ZNF143: variants seen among roughly 807,000 people sequenced by gnomAD.
ZNF143 encodes zinc finger protein 143.
ZNF143 carries 49 observed loss-of-function variants against 74.1 expected under a neutral mutation model. That is an observed-to-expected ratio of 0.66 (90% CI 0.53 to 0.84). The LOEUF is 0.84. Among genes scored for constraint, ZNF143 ranks in the 40% least tolerant of loss-of-function variants. ZNF143 has a pLI of 0.00. For synonymous variants in ZNF143, 304 were observed against 282.8 expected, an observed-to-expected ratio of 1.07 and a Z score of -0.75; for missense variants, 637 against 793.4, an observed-to-expected ratio of 0.80 and a Z score of 2.37.
chr11:9,463,112 ATACTT>A (rs540243929), intron 1 of ZNF143, among the ~76,000 whole-genome samples: 185 of 152,318 alleles, frequency 1.2e-3, no homozygotes, highest in Non-Finnish European at 2.1e-3. Context: ...ACATGTGTCA[ATACTT>A]TATTTTTATT....
At chr11:9,494,253 T>TTGTCTTTTTAA (rs1353560374) in intron 7 of ZNF143, among the ~76,000 whole-genome samples, 1 of 152,162 alleles carries the variant, frequency 6.6e-6, no homozygotes, top group Non-Finnish European at 1.5e-5. Flanking sequence ...CATAACAGTT[T>TTGTCTTTTTAA]TGTCTTTTTA....
At chr11:9,461,153 C>G in intron 1 of ZNF143, 77 bp downstream of exon 1, 1 of 899,424 alleles carries the variant, frequency 1.1e-6, no homozygotes, top group Non-Finnish European at 1.3e-6. Flanking sequence ...GCGGCGCGGG[C>G]CCGCTTGGGC....
At chr11:9,482,053 C>CTCTG (rs1421131680) in intron 7 of ZNF143, among the ~76,000 whole-genome samples, 4 of 144,746 alleles carry the variant, frequency 2.8e-5, no homozygotes, top group Admixed American at 7.0e-5. Flanking sequence ...TCACTGCAAG[C>CTCTG]TCTGCCTCCC....
At chr11:9,463,284 G>C (rs931339289) in intron 1 of ZNF143, among the ~76,000 whole-genome samples, 1 of 152,134 alleles carries the variant, frequency 6.6e-6, no homozygotes. Flanking sequence ...CATTTCTCTT[G>C]GGAGTAGAAT....
At position 9,465,217 on chromosome 11, in the gene ZNF143, T is replaced by TAA. The variant is rs768637074; in HGVS notation, c.-8+4142_-8+4143insAA. Among the ~76,000 whole-genome samples the TAA allele has an allele frequency of 1.3e-3, 194 of 152,244 alleles. 1 individual carries two copies. Among genetic ancestry groups the TAA allele is most frequent in the Middle Eastern group, 0.01 (3 of 294 alleles). Reference sequence around the variant, plus strand: ...TTTTATTTGTTTTGAGACGGAGTCTTACTCTGTCACCCAGGCTGGAGTGCA... The same window carrying TAA: ...TTTTATTTGTTTTGAGACGGAGTCTTAAACTCTGTCACCCAGGCTGGAGTGCA... On this transcript the variant is annotated intron_variant, in intron 1 of 15. Transcript: ENST00000396602.
At chr11:9,502,707 T>C (rs1407437351) in intron 11 of ZNF143, among the ~76,000 whole-genome samples, 2 of 152,012 alleles carry the variant, frequency 1.3e-5, no homozygotes, top group African/African-American at 2.4e-5. Flanking sequence ...TCATTTCCCC[T>C]AAAAGAAATT....
chr11:9,473,848 G>A (rs770154067), intron 3 of ZNF143, 93 bp from the exon 4 acceptor site: 4 of 1,609,242 alleles, frequency 2.5e-6, no homozygotes, highest in Admixed American at 3.3e-5. Context: ...AGCTTAAGTT[G>A]TGTATGTTTT....
chr11:9,510,285 T>C (rs1848496718), intron 12 of ZNF143, among the ~76,000 whole-genome samples: 1 of 151,790 alleles, frequency 6.6e-6, no homozygotes, highest in Admixed American at 6.6e-5. Context: ...CCACCATGCC[T>C]GGCTAATTTT....
At chr11:9,493,911 T>G (rs1416073437) in intron 7 of ZNF143, among the ~76,000 whole-genome samples, 2 of 152,228 alleles carry the variant, frequency 1.3e-5, no homozygotes, top group Admixed American at 6.5e-5. Context: ...TTGTAATGTT[T>G]CCTTTAGGTG....
rs570801522 is a variant in ZNF143 at position 9,484,196 on chromosome 11, G to A, written c.645+4650G>A. Reference sequence around the variant, plus strand: ...TTGAGAACCTAGTACTTGGTTTTTTGTGGTTTTTGTTTTTTGAGACAGGGT... The same window carrying A: ...TTGAGAACCTAGTACTTGGTTTTTTATGGTTTTTGTTTTTTGAGACAGGGT... On this transcript the variant is annotated intron_variant, in intron 7 of 15. Coordinates refer to ENST00000396602, the MANE Select transcript of ZNF143 (RefSeq NM_003442.6). Among the ~76,000 whole-genome samples, 4 of 150,740 alleles carry A rather than the reference G, an allele frequency of 2.7e-5. No individual in the cohort carries two copies. In the East Asian group the frequency reaches 7.8e-4, roughly 29 times the overall value.
chr11:9,499,599 G>GGAGGCTGAGGTGTGAGGATTGC (rs1287746734), intron 10 of ZNF143, among the ~76,000 whole-genome samples: 3 of 152,172 alleles, frequency 2.0e-5, no homozygotes, highest in East Asian at 3.8e-4. Flanking sequence ...CAGCTACCCG[G>GGAGGCTGAGGTGTGAGGATTGC]GAGGCTGAGG....
At chr11:9,496,024 G>A (rs549361202) in intron 8 of ZNF143, among the ~76,000 whole-genome samples, 9 of 152,002 alleles carry the variant, frequency 5.9e-5, no homozygotes, top group Non-Finnish European at 8.8e-5. Flanking sequence ...TTCTCATCAC[G>A]TGTATGTTTC....
chr11:9,517,192 C>T (rs1367082987), intron 14 of ZNF143, among the ~76,000 whole-genome samples: 2 of 151,726 alleles, frequency 1.3e-5, no homozygotes, highest in Admixed American at 6.6e-5. Flanking sequence ...GCCCAGCCTC[C>T]ATTTTTTTTT....
chr11:9,496,440 G>A, intron 9 of ZNF143, 62 bp downstream of exon 9: 1 of 1,431,478 alleles, frequency 7.0e-7, no homozygotes, highest in South Asian at 1.2e-5. Flanking sequence ...AGACAGGCTA[G>A]TGGAAGGAAC....
At chr11:9,467,933 A>G (rs1018585514) in intron 1 of ZNF143, among the ~76,000 whole-genome samples, 16 of 151,522 alleles carry the variant, frequency 1.1e-4, no homozygotes, top group Admixed American at 4.0e-4. Context: ...TTCCTTACCT[A>G]TGTCACGATG....
At chr11:9,474,425 C>A in intron 4 of ZNF143, 125 bp from the exon 5 acceptor site, 2 of 941,292 alleles carry the variant, frequency 2.1e-6, no homozygotes, top group South Asian at 3.2e-5. Flanking sequence ...CTTAAATGTT[C>A]AAAGACTCAT....
intron 10 of ZNF143, among the ~76,000 whole-genome samples, chr11:9,500,089 G>A (rs1848103037): frequency 6.6e-6 from 1 of 152,006 alleles, no homozygotes; most frequent in Non-Finnish European, 1.5e-5. Flanking sequence ...ACTTACCACT[G>A]TGCACCACTA....
At chr11:9,519,977 G>C (rs1347445131) in intron 14 of ZNF143, among the ~76,000 whole-genome samples, 1 of 150,608 alleles carries the variant, frequency 6.6e-6, no homozygotes, top group Non-Finnish European at 1.5e-5. Flanking sequence ...CTTGAGCCCA[G>C]GATTTTAAAA....
At chr11:9,521,934 C>T (rs562220081) in intron 14 of ZNF143, among the ~76,000 whole-genome samples, 8 of 151,802 alleles carry the variant, frequency 5.3e-5, no homozygotes, top group South Asian at 4.2e-4. Context: ...GGTGTGGTGG[C>T]GCATGCCAGT....
Sources: gnomAD v4.1 joint callset for allele counts (sites outside exome capture counted in the v4.1 genomes callset) on GRCh38, gnomAD v4.1.1 for gene constraint, MANE v1.5 for transcripts, NCBI Gene and HGNC (gene_info 2026-07-23, HGNC 2026-07-21) for gene names.